PCGF5: variants seen among roughly 807,000 people sequenced by gnomAD.
PCGF5 encodes polycomb group RING finger protein 5.
PCGF5 carries 9 observed loss-of-function variants against 44.3 expected under a neutral mutation model. The observed-to-expected ratio is 0.20, with a 90% CI of 0.12 to 0.35. The LOEUF is 0.35. Ranked by LOEUF, PCGF5 falls within the 10% of genes least tolerant of loss-of-function variation. PCGF5 has a pLI of 1.00. For synonymous variants in PCGF5, 95 were observed against 102.5 expected (o/e 0.93, Z 0.44); for missense variants, 146 against 305.3 (o/e 0.48, Z 3.89).
Position 91,248,507 on chromosome 10 carries a change from T to G in PCGF5, c.212T>G (p.Leu71Trp). 1 of 1,612,168 alleles carries G rather than the reference T, an allele frequency of 6.2e-7. No individual in the cohort carries two copies. Among genetic ancestry groups the G allele is most frequent in the Non-Finnish European group, 8.5e-7 (1 of 1,178,502 alleles). Residue 71 changes from leucine (L) to tryptophan (W), a missense_variant and splice_region_variant, in exon 4 of 10, where the codon TTG (leucine) becomes TGG (tryptophan). By Grantham distance (61) the Leu-to-Trp change is moderately conservative. Coordinates refer to ENST00000336126, the MANE Select transcript of PCGF5 (RefSeq NM_032373.5). ...TTTCTTTCTCCCCCCTTTCGAAGGT[T>G]GGACAATACATTAGAGGAAATTATA... ...HETNPLEMLRLDNTLEEIIFK... is the reference protein window; with the variant it reads ...HETNPLEMLRWDNTLEEIIFK...
chr10:91,233,272 C>G (rs1845060667), intron 2 of PCGF5, among the ~76,000 whole-genome samples: 1 of 152,140 alleles, frequency 6.6e-6, no homozygotes, highest in Non-Finnish European at 1.5e-5. Context: ...GTAGGGTAAC[C>G]TTTTCTGCCT....
chr10:91,168,418 T>G (rs1249703257), intron 1 of PCGF5, among the ~76,000 whole-genome samples: 1 of 152,090 alleles, frequency 6.6e-6, no homozygotes, highest in Non-Finnish European at 1.5e-5. Context: ...GGACATTAGA[T>G]TTGTCAGTGA....
In PCGF5 at chr10:91,280,815, C is replaced by G. The variant is rs192037337; in HGVS notation, c.*2499C>G. ...AGGTATAGAAAAAATGTACAGGCAA[C>G]TTTTGTGGTTAGCTTTATAAATTTA... On this transcript the variant is annotated 3_prime_UTR_variant, in exon 10 of 10. Transcript: ENST00000336126. The G allele has an allele frequency of 2.0e-5, 3 of 152,310 alleles. No individual in the cohort carries two copies. Among genetic ancestry groups the G allele is most frequent in the African/African-American group, 7.2e-5 (3 of 41,538 alleles). The allele number at this position is 152,310 out of a possible 1,614,324, so 9.4% of individuals were successfully genotyped here. A position where few individuals can be genotyped will look rare whatever the true frequency, so the allele number is the denominator to read the frequency against.
intron 6 of PCGF5, 46 bp from the exon 7 acceptor site, chr10:91,261,279 AT>A (rs770144172): frequency 2.1e-6 from 3 of 1,418,616 alleles, no homozygotes; most frequent in Non-Finnish European, 1.9e-6. Context: ...AAGATAGAAC[AT>A]TTTAACTGGT....
chr10:91,226,289 TAAAAAAAAAA>T (rs66465569), intron 2 of PCGF5, among the ~76,000 whole-genome samples: 1 of 75,142 alleles, frequency 1.3e-5, no homozygotes, highest in Non-Finnish European at 2.4e-5. Flanking sequence ...TTAAGAAATG[TAAAAAAAAAA>T]AAAAAAAAAA....
At chr10:91,261,286 C>T in intron 6 of PCGF5, 40 bp from the exon 7 acceptor site, 9 of 1,424,736 alleles carry the variant, frequency 6.3e-6, no homozygotes, top group Non-Finnish European at 7.4e-6. Context: ...AACATTTTAA[C>T]TGGTAGAACA....
chr10:91,228,370 G>T (rs1057379238), intron 2 of PCGF5, among the ~76,000 whole-genome samples: 1 of 151,956 alleles, frequency 6.6e-6, no homozygotes, highest in Admixed American at 6.5e-5. Context: ...AGAATCTAGT[G>T]ATTCTTTCCT....
upstream of PCGF5, among the ~76,000 whole-genome samples, chr10:91,158,168 A>C (rs930399): frequency 0.75 from 113,489 of 152,134 alleles, 43,487 homozygotes; most frequent in African/African-American, 0.93. Context: ...AGTCAAGTAG[A>C]CTTTATTTAT....
upstream of PCGF5, among the ~76,000 whole-genome samples, chr10:91,162,118 C>T (rs1183414188): frequency 6.6e-6 from 1 of 151,948 alleles, no homozygotes; most frequent in African/African-American, 2.4e-5. Flanking sequence ...TGTCAAAGGA[C>T]AGACACATTT....
chr10:91,195,751 T>A (rs564876925), intron 1 of PCGF5, among the ~76,000 whole-genome samples: 5 of 152,100 alleles, frequency 3.3e-5, no homozygotes, highest in African/African-American at 7.2e-5. Context: ...ATATTTTTTT[T>A]AATGAAATTT....
chr10:91,258,148 G>A (rs1169104799), intron 6 of PCGF5, among the ~76,000 whole-genome samples: 1 of 152,116 alleles, frequency 6.6e-6, no homozygotes, highest in Non-Finnish European at 1.5e-5. Flanking sequence ...AGGGAAGGTT[G>A]CGGAGTGACT....
intron 3 of PCGF5, among the ~76,000 whole-genome samples, chr10:91,245,077 G>A (rs896506955): frequency 6.6e-6 from 1 of 152,088 alleles, no homozygotes; most frequent in African/African-American, 2.4e-5. Context: ...ACGAGTAAAG[G>A]ACCAAGGATT....
intron 1 of PCGF5, among the ~76,000 whole-genome samples, chr10:91,181,669 C>CT (rs1463666958): frequency 6.6e-6 from 1 of 152,104 alleles, no homozygotes; most frequent in East Asian, 1.9e-4. Flanking sequence ...ATAAATTACA[C>CT]TTACTGATTT....
At chr10:91,175,812 G>C (rs982166757) in intron 1 of PCGF5, among the ~76,000 whole-genome samples, 1 of 151,590 alleles carries the variant, frequency 6.6e-6, no homozygotes, top group African/African-American at 2.4e-5. Context: ...GTCTCTGCAC[G>C]TGAGATGGGT....
At chr10:91,158,009 A>T in the PCGF5 span, among the ~76,000 whole-genome samples, 1 of 152,174 alleles carries the variant, frequency 6.6e-6, no homozygotes, top group Non-Finnish European at 1.5e-5. Flanking sequence ...TAAAAGAGAG[A>T]AGTGGGACAA....
intron 9 of PCGF5, among the ~76,000 whole-genome samples, chr10:91,277,193 G>A (rs1001011576): frequency 3.9e-5 from 6 of 152,164 alleles, no homozygotes; most frequent in Non-Finnish European, 1.5e-5. Context: ...CCAACATTGA[G>A]TCTTCCCAGT....
intron 6 of PCGF5, among the ~76,000 whole-genome samples, chr10:91,258,400 G>T (rs1408073442): frequency 6.6e-6 from 1 of 152,050 alleles, no homozygotes. Flanking sequence ...GGGACCAGAA[G>T]TTTTTTGGGT....
At chr10:91,270,595 G>A (rs551618437) in intron 8 of PCGF5, among the ~76,000 whole-genome samples, 23 of 152,024 alleles carry the variant, frequency 1.5e-4, no homozygotes, top group Middle Eastern at 3.4e-3. Context: ...GACTGCTAGA[G>A]AAAAAAATTA....
At chr10:91,258,522 G>A (rs1388602506) in intron 6 of PCGF5, among the ~76,000 whole-genome samples, 1 of 152,074 alleles carries the variant, frequency 6.6e-6, no homozygotes, top group African/African-American at 2.4e-5. Flanking sequence ...ATTTCAGACT[G>A]GGGATGATCA....
Sources: gnomAD v4.1 joint callset for allele counts (sites outside exome capture counted in the v4.1 genomes callset) on GRCh38, gnomAD v4.1.1 for gene constraint, MANE v1.5 for transcripts, NCBI Gene and HGNC (gene_info 2026-07-23, HGNC 2026-07-21) for gene names.